RBFOX3: variants seen among roughly 807,000 people sequenced by gnomAD.
RBFOX3 encodes the protein RNA binding protein fox-1 homolog 3.
RBFOX3 carries 17 observed loss-of-function variants against 48.7 expected under a neutral mutation model. That is an observed-to-expected ratio of 0.35 (90% CI 0.24 to 0.52). The LOEUF (loss-of-function observed/expected upper bound fraction) is 0.52, where lower values mean the gene tolerates loss of function less well. Among genes scored for constraint, RBFOX3 ranks in the 20% least tolerant of loss-of-function variants. The pLI, the probability that RBFOX3 is intolerant of heterozygous loss-of-function variation, is 0.94. For missense variants in RBFOX3, 382 were observed against 497.5 expected (o/e 0.77, Z 2.21); for synonymous variants, 212 against 209.5 (o/e 1.01, Z -0.10).
chr17:79,427,823 A>C (rs879946071), intron 2 of RBFOX3, among the ~76,000 whole-genome samples: 1 of 152,224 alleles, frequency 6.6e-6, no homozygotes, highest in Non-Finnish European at 1.5e-5. Context: ...TGCACACATG[A>C]ACATACATGT....
chr17:79,445,795 G>A (rs2072139167), intron 2 of RBFOX3, among the ~76,000 whole-genome samples: 1 of 152,216 alleles, frequency 6.6e-6, no homozygotes, highest in African/African-American at 2.4e-5. Flanking sequence ...GATTCAGCCG[G>A]GGTTTGCAGG....
rs181389954 is a variant in RBFOX3, at chr17:79,315,268, T to G, written c.-174-7444A>C. Among the ~76,000 whole-genome samples, 204 of 152,308 alleles carry G rather than the reference T, an allele frequency of 1.3e-3. 1 individual carries two copies. Among genetic ancestry groups the G allele is most frequent in the African/African-American group, 4.6e-3 (190 of 41,572 alleles). ...TCATCCCTAGTGATGGCCTCCAGAC[T>G]CTAGACCATCCATGTCTCCAGGAGG... On this transcript the variant is annotated intron_variant, in intron 2 of 14. Transcript: ENST00000693108.
At chr17:79,313,264 C>T (rs1282620434) in intron 2 of RBFOX3, among the ~76,000 whole-genome samples, 1 of 152,184 alleles carries the variant, frequency 6.6e-6, no homozygotes, top group African/African-American at 2.4e-5. Context: ...CTGGGGGAGG[C>T]TCGACCTGGC....
At chr17:79,131,287 G>C (rs1458608881) in intron 4 of RBFOX3, among the ~76,000 whole-genome samples, 1 of 151,734 alleles carries the variant, frequency 6.6e-6, no homozygotes, top group Non-Finnish European at 1.5e-5. Context: ...CCCTCCGTGT[G>C]TATTCCATGT....
chr17:79,508,036 C>A (rs1043386163), intron 1 of RBFOX3, among the ~76,000 whole-genome samples: 65 of 152,372 alleles, frequency 4.3e-4, no homozygotes, highest in African/African-American at 1.5e-3. Flanking sequence ...AAGTCAGGGT[C>A]TGGCCCGTGG....
chr17:79,402,060 C>T (rs999186674), intron 2 of RBFOX3, among the ~76,000 whole-genome samples: 1 of 152,188 alleles, frequency 6.6e-6, no homozygotes, highest in Non-Finnish European at 1.5e-5. Flanking sequence ...CAATCTGTGG[C>T]CCACCACCAG....
chr17:79,367,105 A>G (rs180983891), intron 2 of RBFOX3, among the ~76,000 whole-genome samples: 26 of 152,048 alleles, frequency 1.7e-4, no homozygotes, highest in African/African-American at 6.3e-4. Flanking sequence ...TCGCTCCCAC[A>G]TGAGTGCTGA....
At chr17:79,197,211 T>G (rs1218079255) in intron 4 of RBFOX3, among the ~76,000 whole-genome samples, 1 of 152,212 alleles carries the variant, frequency 6.6e-6, no homozygotes, top group East Asian at 1.9e-4. Flanking sequence ...CATGCAGCCC[T>G]CCGTCGGGGC....
chr17:79,497,809 T>C (rs1251590310), intron 1 of RBFOX3, among the ~76,000 whole-genome samples: 4 of 152,178 alleles, frequency 2.6e-5, no homozygotes, highest in African/African-American at 9.7e-5. Context: ...CTGGAGCCAA[T>C]GGCCACCCCA....
intron 4 of RBFOX3, among the ~76,000 whole-genome samples, chr17:79,210,587 TC>T (rs1252703972): frequency 6.6e-6 from 1 of 152,236 alleles, no homozygotes; most frequent in Non-Finnish European, 1.5e-5. Context: ...GCTTTTTTCA[TC>T]TTTTGAATTA....
chr17:79,621,668 G>C, the RBFOX3 span, among the ~76,000 whole-genome samples: 1 of 152,186 alleles, frequency 6.6e-6, no homozygotes, highest in Admixed American at 6.5e-5. Flanking sequence ...CAGAAACCAA[G>C]TGCGGGAGTC....
At chr17:79,571,138 AT>A (rs1433490860) in intron 1 of RBFOX3, among the ~76,000 whole-genome samples, 11 of 152,164 alleles carry the variant, frequency 7.2e-5, no homozygotes, top group Non-Finnish European at 1.6e-4. Flanking sequence ...CATTACTGGA[AT>A]TTTACCCTTT....
chr17:79,513,687 T>C (rs1429117122), intron 1 of RBFOX3, among the ~76,000 whole-genome samples: 1 of 152,174 alleles, frequency 6.6e-6, no homozygotes, highest in African/African-American at 2.4e-5. Flanking sequence ...TGAGCTCCAG[T>C]GTCCTCCACT....
intron 2 of RBFOX3, among the ~76,000 whole-genome samples, chr17:79,433,261 G>T (rs2068797216): frequency 6.6e-6 from 1 of 152,182 alleles, no homozygotes; most frequent in African/African-American, 2.4e-5. Flanking sequence ...CTGGGCCAGG[G>T]CTCCCTCACC....
chr17:79,599,571 A>C (rs2093654794), intron 1 of RBFOX3: 1 of 152,288 alleles, frequency 6.6e-6, no homozygotes, highest in Non-Finnish European at 1.5e-5. Flanking sequence ...CACCTCCGAC[A>C]GAACCATGGC....
chr17:79,493,687 G>A (rs1476886698), intron 1 of RBFOX3, among the ~76,000 whole-genome samples: 2 of 152,202 alleles, frequency 1.3e-5, no homozygotes, highest in Non-Finnish European at 2.9e-5. Flanking sequence ...CATGACCTAT[G>A]AAGGCTGGGA....
intron 3 of RBFOX3, among the ~76,000 whole-genome samples, chr17:79,244,804 CT>C (rs2062918081): frequency 6.8e-6 from 1 of 147,472 alleles, no homozygotes; most frequent in Non-Finnish European, 1.5e-5. Context: ...TTCCTTCCCC[CT>C]CTCCTTTATC....
At chr17:79,487,680 G>C (rs1598905296) in intron 1 of RBFOX3, among the ~76,000 whole-genome samples, 1 of 152,232 alleles carries the variant, frequency 6.6e-6, no homozygotes, top group Non-Finnish European at 1.5e-5. Context: ...GGGACGCTGA[G>C]GTGGGTGGAT....
intron 4 of RBFOX3, among the ~76,000 whole-genome samples, chr17:79,145,249 C>T (rs550164736): frequency 1.6e-3 from 250 of 152,302 alleles, no homozygotes; most frequent in Middle Eastern, 3.4e-3. Context: ...TGTGCACCTG[C>T]GTCTCCTGGG....
Sources: gnomAD v4.1 joint callset for allele counts (sites outside exome capture counted in the v4.1 genomes callset) on GRCh38, gnomAD v4.1.1 for gene constraint, MANE v1.5 for transcripts, NCBI Gene and HGNC (gene_info 2026-07-23, HGNC 2026-07-21) for gene names.